Variants in UBAC1 observed in about 807,000 individuals in gnomAD.
The protein encoded by UBAC1 is UBA domain containing 1.
Under a neutral mutation model 45.9 loss-of-function variants are expected in UBAC1, and 27 were observed. That is an observed-to-expected ratio of 0.59 (90% CI 0.43 to 0.81). UBAC1 has a LOEUF of 0.81. Ranked by LOEUF, UBAC1 falls within the 30% of genes least tolerant of loss-of-function variation. The probability of loss-of-function intolerance (pLI) is 0.00; values close to 1 mark genes in which losing one functional copy is unlikely to be tolerated. For missense variants in UBAC1, 529 were observed against 539.2 expected (o/e 0.98, Z 0.19); for synonymous variants, 227 against 215.5 (o/e 1.05, Z -0.47).
At position 135,946,315 on chromosome 9, in the gene UBAC1, C is replaced by G; in HGVS notation, c.498G>C (p.Leu166=). The G allele has an allele frequency of 6.2e-7, 1 of 1,614,152 alleles. No individual in the cohort carries two copies. The highest frequency in any genetic ancestry group is 2.2e-5 in the East Asian group (1 of 44,886). ...CCACTGCATCTGGGTTCAGCGCTAA[C>G]AGCTTCTGCGCCACCTCGATGAGAG... is the stretch of plus-strand genomic sequence containing the variant. The part of the protein sequence containing the change: ...LVSLIEVAQK[L]LALNPDAVEL... Residue 166 remains leucine (L), a synonymous_variant, in exon 5 of 10, where the codon CTG becomes CTC. Coordinates refer to ENST00000371756, the MANE Select transcript of UBAC1 (RefSeq NM_016172.3).
intron 8 of UBAC1, 39 bp from the exon 9 acceptor site, chr9:135,938,399 T>C (rs1354696746): frequency 3.1e-6 from 5 of 1,600,770 alleles, no homozygotes; most frequent in Non-Finnish European, 4.3e-6. Context: ...GTTAGCGCCT[T>C]CAGTGCCTCC....
Position 135,961,343 on chromosome 9 carries a change from CCGCCGCCGCAGCAGCCGCCGGGGGCG to C in UBAC1, c.-207_-182del, listed in dbSNP as rs1277107527. On this transcript the variant is annotated 5_prime_UTR_variant, in exon 1 of 10. Transcript: ENST00000371756. ...CGCGGCCTCAGCGGTCGCCTCGCTC[CCGCCGCCGCAGCAGCCGCCGGGGGCG>C]CGCCGTCGCGGCCGCACCGGAAGTG... is the stretch of plus-strand genomic sequence containing the variant. 4.1e-5 allele frequency: 12 copies of C among 291,004 alleles called. No homozygotes were observed. Among genetic ancestry groups the C allele is most frequent in the Non-Finnish European group, 6.1e-5 (12 of 196,738 alleles). The allele number at this position is 291,004 out of a possible 1,614,324, so 18.0% of individuals were successfully genotyped here. A position where few individuals can be genotyped will look rare whatever the true frequency, so the allele number is the denominator to read the frequency against.
In UBAC1 at chr9:135,940,893, C is replaced by G. The variant is rs573509901; in HGVS notation, c.877-1134G>C. Among the ~76,000 whole-genome samples, 120 of 152,332 alleles carry G rather than the reference C, an allele frequency of 7.9e-4. 2 individuals are homozygous for G. Among genetic ancestry groups the G allele is most frequent in the Middle Eastern group, 6.8e-3 (2 of 294 alleles). The stretch of plus-strand genomic sequence containing the variant: ...AGTCCTCTCCATCTTTGGCAGTTTT[C>G]CGGCCACCATAAGGTGGTCTAGGGG... On this transcript the variant is annotated intron_variant, in intron 7 of 9. Coordinates refer to ENST00000371756, the MANE Select transcript of UBAC1 (RefSeq NM_016172.3).
At chr9:135,939,292 A>G (rs940293261) in intron 8 of UBAC1, among the ~76,000 whole-genome samples, 12 of 152,118 alleles carry the variant, frequency 7.9e-5, no homozygotes, top group Admixed American at 2.0e-4. Flanking sequence ...AGAATTCCGT[A>G]TTTTTAAATT....
At chr9:135,946,768 G>A (rs1421098556) in intron 4 of UBAC1, among the ~76,000 whole-genome samples, 1 of 152,260 alleles carries the variant, frequency 6.6e-6, no homozygotes, top group East Asian at 1.9e-4. Context: ...AGGCATGGCT[G>A]CCACACAGCG....
chr9:135,957,571 A>G (rs895807882), intron 1 of UBAC1, among the ~76,000 whole-genome samples: 3 of 151,830 alleles, frequency 2.0e-5, no homozygotes, highest in African/African-American at 7.3e-5. Context: ...GCCCCAACCA[A>G]GGCCGCTGGA....
chr9:135,945,230 A>G lies in UBAC1; in HGVS notation c.674T>C (p.Met225Thr). Reference sequence around the variant, plus strand: ...TTCTGCGTGTTCAATTAGCCACTCCATGGCCTGAGGCACCGACATGCTGCA... The same window carrying G: ...TTCTGCGTGTTCAATTAGCCACTCCGTGGCCTGAGGCACCGACATGCTGCA... ...QLNHMSVPQA[M>T]EWLIEHAEDP... is the part of the protein sequence containing the mutation. The change falls in exon 7 of 10, where the codon ATG becomes ACG. Residue 225 changes from methionine to threonine, a missense_variant. By Grantham distance (81) the Met-to-Thr change is moderately conservative. Transcript: ENST00000371756. 1 of 1,596,408 alleles carries G rather than the reference A, an allele frequency of 6.3e-7. No individual in the cohort carries two copies. Among genetic ancestry groups the G allele is most frequent in the Non-Finnish European group, 8.5e-7 (1 of 1,170,118 alleles).
At chr9:135,948,345 A>C (rs1177746538) in intron 3 of UBAC1, among the ~76,000 whole-genome samples, 1 of 152,268 alleles carries the variant, frequency 6.6e-6, no homozygotes, top group Non-Finnish European at 1.5e-5. Flanking sequence ...TGGGAGAGGA[A>C]CAGAACCGGA....
chr9:135,942,261 C>T (rs1462869064), intron 7 of UBAC1: 1 of 152,208 alleles, frequency 6.6e-6, no homozygotes, highest in Non-Finnish European at 1.5e-5. Context: ...CTTGGACAGG[C>T]TTCCAGGATC....
chr9:135,943,961 G>A (rs1490298113), intron 7 of UBAC1, among the ~76,000 whole-genome samples: 1 of 152,070 alleles, frequency 6.6e-6, no homozygotes, highest in East Asian at 1.9e-4. Flanking sequence ...CACACACCGG[G>A]GCCCATCAGG....
At chr9:135,960,119 T>C (rs746137736) in intron 1 of UBAC1, among the ~76,000 whole-genome samples, 9 of 152,206 alleles carry the variant, frequency 5.9e-5, no homozygotes, top group Non-Finnish European at 1.2e-4. Flanking sequence ...TCGTAACTTA[T>C]CACATGGAGT....
intron 9 of UBAC1, 31 bp from the exon 10 acceptor site, chr9:135,933,546 C>T (rs775617022): frequency 1.3e-6 from 2 of 1,524,984 alleles, no homozygotes; most frequent in Non-Finnish European, 1.8e-6. Context: ...GCCTGAGTGC[C>T]CACGCCCCCA....
In UBAC1 at chr9:135,936,162, C is replaced by A. The variant is rs148849276; in HGVS notation, c.1102+2060G>T. Among the ~76,000 whole-genome samples the A allele has an allele frequency of 5.5e-3, 833 of 151,238 alleles. 4 individuals carry two copies. Among genetic ancestry groups the A allele is most frequent in the African/African-American group, 0.019 (795 of 41,154 alleles). Reference sequence around the variant, plus strand: ...CATCACTGCACTCTAGCCTGGGTGACAGAGAAAGAGCCTATTTCTATTAGG... The same window carrying A: ...CATCACTGCACTCTAGCCTGGGTGAAAGAGAAAGAGCCTATTTCTATTAGG... On this transcript the variant is annotated intron_variant, in intron 9 of 9. Coordinates refer to ENST00000371756, the MANE Select transcript of UBAC1 (RefSeq NM_016172.3).
rs766030222 is a variant in UBAC1 at position 135,953,764 on chromosome 9, C to A, written c.260-11G>T. The A allele has an allele frequency of 3.1e-6, 5 of 1,612,250 alleles. No individual in the cohort carries two copies. The South Asian group carries it at 5.5e-5, about 18-fold the overall frequency. On this transcript the variant is annotated splice_polypyrimidine_tract_variant and intron_variant, in intron 2 of 9. Transcript: ENST00000371756. ...TCAATAATAGGACATCTAGAAAAAA[C>A]AACACGTATATCCAACACACTGGTT...
chr9:135,953,163 G>A (rs1052334397), intron 3 of UBAC1, among the ~76,000 whole-genome samples: 70 of 152,256 alleles, frequency 4.6e-4, no homozygotes, highest in African/African-American at 1.7e-3. Context: ...TGCTGGTCCC[G>A]TGAGCAGGGA....
chr9:135,950,672 G>A (rs1241847931), intron 3 of UBAC1, among the ~76,000 whole-genome samples: 2 of 152,208 alleles, frequency 1.3e-5, no homozygotes, highest in Admixed American at 6.5e-5. Context: ...CCTCAAGGGA[G>A]GAGAGAGGGA....
At chr9:135,958,103 G>A (rs1051100565) in intron 1 of UBAC1, among the ~76,000 whole-genome samples, 2 of 148,820 alleles carry the variant, frequency 1.3e-5, no homozygotes, top group African/African-American at 5.0e-5. Context: ...CTGGAGTGCA[G>A]TGGCTTGATC....
intron 7 of UBAC1, among the ~76,000 whole-genome samples, chr9:135,943,587 C>T (rs550468404): frequency 5.7e-4 from 87 of 152,190 alleles, no homozygotes; most frequent in African/African-American, 2.0e-3. Context: ...ACCATTTGTC[C>T]CTGCAATTCC....
intron 4 of UBAC1, chr9:135,947,526 C>T (rs996319652): frequency 1.3e-5 from 5 of 384,142 alleles, no homozygotes; most frequent in Non-Finnish European, 2.3e-5. Context: ...TCTATCTAAA[C>T]GTTTTGCCAA....
Sources: allele counts gnomAD v4.1 joint callset (sites outside exome capture counted in the v4.1 genomes callset), GRCh38; gene constraint gnomAD v4.1.1; transcripts MANE v1.5; gene names NCBI Gene and HGNC (gene_info 2026-07-23, HGNC 2026-07-21).